Variants in FRMD7 observed in about 807,000 individuals in gnomAD.
FRMD7 encodes FERM domain containing 7, also known as FERM domain-containing protein 7.
Under a neutral mutation model 44.1 loss-of-function variants are expected in FRMD7, and 14 were observed. The ratio of observed to expected loss-of-function variants is 0.32; its 90% confidence interval spans 0.21 to 0.50. The LOEUF is 0.50. Ranked by LOEUF, FRMD7 falls within the 20% of genes least tolerant of loss-of-function variation. FRMD7 has a pLI of 0.99. For synonymous variants in FRMD7, 212 were observed against 187.4 expected (o/e 1.13, Z -1.07); for missense variants, 501 against 522.3 (o/e 0.96, Z 0.40).
rs991351208 is a variant in FRMD7, at chrX:132,086,701, C to T, written c.383-667G>A. 4.2e-4 allele frequency among the ~76,000 whole-genome samples: 47 copies of T among 110,945 alleles called. 1 individual carries two copies. The highest frequency in any genetic ancestry group is 4.2e-3 in the Admixed American group (44 of 10,450). On this transcript the variant is annotated intron_variant, in intron 5 of 11. Coordinates refer to ENST00000298542, the MANE Select transcript of FRMD7 (RefSeq NM_194277.3). ...AACTGCTGACAGCTTATCTTGGACA[C>T]GAAGCCTCCAGAATTGTGGAACATA...
chrX:132,087,523 G>A (rs1928030550), intron 5 of FRMD7, among the ~76,000 whole-genome samples: 1 of 111,102 alleles, frequency 9.0e-6, no homozygotes, highest in African/African-American at 3.3e-5. Flanking sequence ...CAAAGAAATG[G>A]CTCATTGATT....
chrX:132,087,390 G>A (rs1296319369), intron 5 of FRMD7, among the ~76,000 whole-genome samples: 1 of 111,143 alleles, frequency 9.0e-6, no homozygotes, highest in Non-Finnish European at 1.9e-5. Flanking sequence ...AGTGCTGGAG[G>A]GCTGTTTTTT....
intron 1 of FRMD7, among the ~76,000 whole-genome samples, chrX:132,116,236 T>G (rs1928894666): frequency 8.9e-6 from 1 of 112,142 alleles, no homozygotes; most frequent in African/African-American, 3.2e-5. Context: ...TGTTTCAGAG[T>G]AAGCAGTAAC....
At chrX:132,089,311 C>G (rs180744685) in intron 5 of FRMD7, among the ~76,000 whole-genome samples, 1 of 111,620 alleles carries the variant, frequency 9.0e-6, no homozygotes, top group African/African-American at 3.3e-5. Context: ...AATATGAAGT[C>G]GGACCCCTAC....
intron 1 of FRMD7, 133 bp from the exon 2 acceptor site, chrX:132,100,849 C>T: frequency 2.0e-6 from 1 of 505,961 alleles, no homozygotes; most frequent in Non-Finnish European, 3.5e-6. Context: ...GACCTGCATC[C>T]TTTTCAAAGA....
At chrX:132,113,957 C>A (rs916217599) in intron 1 of FRMD7, among the ~76,000 whole-genome samples, 1 of 88,804 alleles carries the variant, frequency 1.1e-5, no homozygotes, top group Non-Finnish European at 2.2e-5. Context: ...CTCTTCCTAG[C>A]CTCTGGTAAC....
chrX:132,127,862 G>T lies in FRMD7; in HGVS notation c.-18C>A. 1 of 1,192,614 alleles carries T rather than the reference G, an allele frequency of 8.4e-7. No individual in the cohort carries two copies. Among genetic ancestry groups the T allele is most frequent in the East Asian group, 3.0e-5 (1 of 33,780 alleles). Reference sequence around the variant, plus strand: ...TGTAGCATTCTCAGCGAGGCCGTTGGGCTGCAAGCAGGCTCAGAGTGCTGT... The same window carrying T: ...TGTAGCATTCTCAGCGAGGCCGTTGTGCTGCAAGCAGGCTCAGAGTGCTGT... On this transcript the variant is annotated 5_prime_UTR_variant, in exon 1 of 12. Coordinates refer to ENST00000298542, the MANE Select transcript of FRMD7 (RefSeq NM_194277.3).
chrX:132,127,637 TA>T (rs1469101161), intron 1 of FRMD7, 150 bp downstream of exon 1: 2 of 523,539 alleles, frequency 3.8e-6, no homozygotes, highest in East Asian at 3.4e-5. Flanking sequence ...ATTGTGATGT[TA>T]AATACAGATT....
intron 5 of FRMD7, 140 bp downstream of exon 5, chrX:132,093,902 T>G (rs1479368241): frequency 5.9e-6 from 3 of 511,554 alleles, no homozygotes; most frequent in Non-Finnish European, 1.0e-5. Flanking sequence ...CAGGCCATGC[T>G]GTTTCTCTCT....
Position 132,113,567 on chromosome X carries a change from G to T in FRMD7, c.58-12851C>A, listed in dbSNP as rs1928829134. On this transcript the variant is annotated intron_variant, in intron 1 of 11. Coordinates refer to ENST00000298542, the MANE Select transcript of FRMD7 (RefSeq NM_194277.3). ...CTAGGTGGATGAATGATAAGAGAGA[G>T]ATAAACAGCTAGAACTTGTTTTTTT... Among the ~76,000 whole-genome samples the T allele has an allele frequency of 3.6e-5, 4 of 111,639 alleles. No individual in the cohort carries two copies. In the South Asian group the frequency reaches 1.5e-3, roughly 43 times the overall value.
At chrX:132,116,726 C>T (rs112761955) in intron 1 of FRMD7, among the ~76,000 whole-genome samples, 42 of 111,590 alleles carry the variant, frequency 3.8e-4, no homozygotes, top group African/African-American at 1.3e-3. Flanking sequence ...GGGCTTAATA[C>T]GTAGGTGATG....
intron 4 of FRMD7, chrX:132,094,387 T>C (rs1296618872): frequency 2.5e-5 from 9 of 362,690 alleles, no homozygotes; most frequent in Middle Eastern, 8.0e-4. Flanking sequence ...CAAATCCTCC[T>C]GCCAAATTGA....
At chrX:132,118,669 C>T (rs958212644) in intron 1 of FRMD7, among the ~76,000 whole-genome samples, 3 of 111,868 alleles carry the variant, frequency 2.7e-5, no homozygotes, top group African/African-American at 9.7e-5. Flanking sequence ...CTGGGGACCC[C>T]TTTTTATCTG....
rs1927637995 is a variant in FRMD7 at position 132,077,418 on chromosome X, C to G, written c.*454G>C. ...ATTACAAGACCATTTCTACTGGGCC[C>G]CACACAAATAGTAAAGACTGAAATA... is the stretch of plus-strand genomic sequence containing the variant. On this transcript the variant is annotated 3_prime_UTR_variant, in exon 12 of 12. Transcript: ENST00000298542. The G allele has an allele frequency of 7.5e-6, 1 of 134,188 alleles. No individual in the cohort carries two copies. Among genetic ancestry groups the G allele is most frequent in the Non-Finnish European group, 1.5e-5 (1 of 67,060 alleles). 11.1% of individuals were successfully genotyped at this position (134,188 alleles called of 1,213,427 possible). A position where few individuals can be genotyped will look rare whatever the true frequency, so the allele number is the denominator to read the frequency against.
At chrX:132,118,287 A>G (rs1175601075) in intron 1 of FRMD7, among the ~76,000 whole-genome samples, 1 of 111,244 alleles carries the variant, frequency 9.0e-6, no homozygotes, top group Non-Finnish European at 1.9e-5. Context: ...AATCTTTTTT[A>G]TGACTTTGTG....
At chrX:132,079,081 C>T (rs943244039) in intron 11 of FRMD7, 115 bp from the exon 12 acceptor site, 2 of 620,257 alleles carry the variant, frequency 3.2e-6, no homozygotes, top group African/African-American at 2.2e-5. Context: ...AGTCATTTAA[C>T]AAGATCCATG....
chrX:132,102,005 G>GC (rs1434809548), intron 1 of FRMD7, among the ~76,000 whole-genome samples: 2 of 111,307 alleles, frequency 1.8e-5, no homozygotes, highest in African/African-American at 6.5e-5. Context: ...CTACAGTGCT[G>GC]CAAAGGAAGC....
intron 8 of FRMD7, among the ~76,000 whole-genome samples, chrX:132,084,112 A>G (rs926790895): frequency 1.8e-5 from 2 of 111,431 alleles, no homozygotes; most frequent in African/African-American, 6.5e-5. Flanking sequence ...ATTTTTGCTT[A>G]AGGAAAGTAA....
Position 132,094,094 on chromosome X carries a change from C to T in FRMD7, c.330G>A (p.Arg110=). 2 of 1,184,089 alleles carry T rather than the reference C, an allele frequency of 1.7e-6. No homozygotes were observed. The highest frequency in any genetic ancestry group is 3.5e-5 in the South Asian group (2 of 56,367). Residue 110 remains arginine (R), a synonymous_variant, in exon 5 of 12, where the codon AGG becomes AGA. Transcript: ENST00000298542. ...LQIKKDLALG[R]LPCSDNCTAL... Reference sequence around the variant, plus strand: ...CTGTACAGTTGTCACTGCATGGAAGCCTTCCTAGAGCCAAATCCTTCTTTA... The same window carrying T: ...CTGTACAGTTGTCACTGCATGGAAGTCTTCCTAGAGCCAAATCCTTCTTTA...
Sources: allele counts gnomAD v4.1 joint callset (sites outside exome capture counted in the v4.1 genomes callset), GRCh38; gene constraint gnomAD v4.1.1; transcripts MANE v1.5; gene names NCBI Gene and HGNC (gene_info 2026-07-23, HGNC 2026-07-21).